STPG1: variants seen among roughly 807,000 people sequenced by gnomAD.
STPG1 encodes the protein sperm tail PG-rich repeat containing 1, also known as O(6)-methylguanine-induced apoptosis 2.
STPG1 carries 33 observed loss-of-function variants against 40.1 expected under a neutral mutation model. That is an observed-to-expected ratio of 0.82 (90% CI 0.62 to 1.10). The LOEUF (loss-of-function observed/expected upper bound fraction) is 1.10, where lower values mean the gene tolerates loss of function less well. Ranked by LOEUF, STPG1 falls within the 50% of genes least tolerant of loss-of-function variation. STPG1 has a pLI of 0.00. For synonymous variants in STPG1, 150 were observed against 155.0 expected (o/e 0.97, Z 0.24); for missense variants, 396 against 415.1 (o/e 0.95, Z 0.40).
intron 7 of STPG1, among the ~76,000 whole-genome samples, chr1:24,365,629 C>T (rs1641406706): frequency 6.6e-6 from 1 of 152,240 alleles, no homozygotes; most frequent in Admixed American, 6.5e-5. Context: ...ACAGCATCCG[C>T]CCTGCGGGGC....
chr1:24,379,423 G>C, intron 5 of STPG1: 1 of 529,944 alleles, frequency 1.9e-6, no homozygotes, highest in Non-Finnish European at 3.4e-6. Context: ...TCAGGGCAGT[G>C]GCCTCCCCAC....
chr1:24,391,301 T>C (rs1186791498), intron 3 of STPG1: 3 of 274,102 alleles, frequency 1.1e-5, no homozygotes, highest in East Asian at 1.3e-4. Flanking sequence ...TATTGTTTTC[T>C]TAAAATAGTT....
At position 24,399,016 on chromosome 1, in the gene STPG1, C is replaced by T. The variant is rs946244924; in HGVS notation, c.70+2303G>A. ...TGTATAGCTACCCAGATTTGATCATCGCACATTATATTCTTGTATCAAAAT... is the reference window on the plus strand; with the variant it reads ...TGTATAGCTACCCAGATTTGATCATTGCACATTATATTCTTGTATCAAAAT... On this transcript the variant is annotated intron_variant, in intron 2 of 8. Coordinates refer to ENST00000337248, the MANE Select transcript of STPG1 (RefSeq NM_001199013.2). The surrounding 1 kb of genome is among the most constrained non-coding windows in gnomAD (Gnocchi z 4.0). Among the ~76,000 whole-genome samples the T allele has an allele frequency of 8.6e-5, 13 of 151,866 alleles. No homozygotes were observed. The highest frequency in any genetic ancestry group is 7.2e-4 in the Admixed American group (11 of 15,248).
chr1:24,383,686 T>C (rs1342271969), intron 4 of STPG1, among the ~76,000 whole-genome samples: 1 of 152,220 alleles, frequency 6.6e-6, no homozygotes, highest in African/African-American at 2.4e-5. Context: ...TTCCTCTGGC[T>C]TCTCTTCCCA....
intron 4 of STPG1, among the ~76,000 whole-genome samples, chr1:24,383,181 G>A (rs1335738791): frequency 6.6e-6 from 1 of 152,116 alleles, no homozygotes; most frequent in African/African-American, 2.4e-5. Flanking sequence ...CCGAAATGCT[G>A]GCATTATAGG....
In STPG1 at chr1:24,402,112, G is replaced by A. The variant is rs897385027; in HGVS notation, c.-68-656C>T. ...CCAAGTTAAATACCACCACAATTAA[G>A]ATATTAATTTATCTATGATGCTGAG... On this transcript the variant is annotated intron_variant, in intron 1 of 8. Transcript: ENST00000337248. Among the ~76,000 whole-genome samples the A allele has an allele frequency of 2.6e-5, 4 of 152,300 alleles. No individual in the cohort carries two copies. The South Asian group carries it at 8.3e-4, about 32-fold the overall frequency.
intron 2 of STPG1, among the ~76,000 whole-genome samples, chr1:24,396,898 T>C (rs1043952683): frequency 1.3e-5 from 2 of 152,070 alleles, no homozygotes; most frequent in Non-Finnish European, 2.9e-5. Context: ...GATTCTCAGA[T>C]TGGATAAGAA....
At chr1:24,400,117 C>G (rs888836514) in intron 2 of STPG1, among the ~76,000 whole-genome samples, 1 of 152,178 alleles carries the variant, frequency 6.6e-6, no homozygotes, top group Non-Finnish European at 1.5e-5. Flanking sequence ...AAACTGGAAA[C>G]AACCTAAATG....
At position 24,383,999 on chromosome 1, in the gene STPG1, T is replaced by A. The variant is rs775221632; in HGVS notation, c.194A>T (p.Asp65Val). ...QAKRFPHKKN[D>V]IPGPGFYNVI... is the part of the protein sequence containing the mutation. ...ATTGTAGAACCCAGGTCCTGGGATA[T>A]CATTCTGAAAGGGAAGAGAAGGTGG... The change falls in exon 4 of 9, where the codon GAT becomes GTT. Residue 65 changes from aspartate to valine, a missense_variant. Physicochemically the swap from Asp to Val is radical, Grantham distance 152. Coordinates refer to ENST00000337248, the MANE Select transcript of STPG1 (RefSeq NM_001199013.2). The A allele has an allele frequency of 2.6e-5, 42 of 1,606,860 alleles. No homozygotes were observed. Among genetic ancestry groups the A allele is most frequent in the Non-Finnish European group, 3.5e-5 (41 of 1,173,370 alleles).
intron 7 of STPG1, among the ~76,000 whole-genome samples, chr1:24,364,852 A>G (rs1641353546): frequency 6.6e-6 from 1 of 152,180 alleles, no homozygotes; most frequent in African/African-American, 2.4e-5. Flanking sequence ...GTTGGCCACA[A>G]CTGGATTAAG....
intron 7 of STPG1, among the ~76,000 whole-genome samples, chr1:24,365,883 T>A (rs745740331): frequency 1.3e-5 from 2 of 152,172 alleles, no homozygotes; most frequent in Non-Finnish European, 1.5e-5. Context: ...CTTTGGGGCC[T>A]ACGCTAATCA....
chr1:24,394,550 A>C (rs2092343), intron 2 of STPG1, among the ~76,000 whole-genome samples: 1 of 152,214 alleles, frequency 6.6e-6, no homozygotes, highest in Non-Finnish European at 1.5e-5. Flanking sequence ...GTGGAGAAGA[A>C]CATTATAACT....
At chr1:24,393,438 A>C (rs1642863454) in intron 2 of STPG1, among the ~76,000 whole-genome samples, 1 of 152,226 alleles carries the variant, frequency 6.6e-6, no homozygotes, top group South Asian at 2.1e-4. Context: ...AAGCAGCTGC[A>C]AGACTTCCTG....
chr1:24,396,824 T>G (rs974714242), intron 2 of STPG1, among the ~76,000 whole-genome samples: 8 of 152,084 alleles, frequency 5.3e-5, no homozygotes, highest in African/African-American at 1.9e-4. Flanking sequence ...ATGATAGACT[T>G]AAACTTATAC....
intron 3 of STPG1, among the ~76,000 whole-genome samples, chr1:24,390,443 G>A (rs1642716712): frequency 6.6e-6 from 1 of 152,160 alleles, no homozygotes; most frequent in African/African-American, 2.4e-5. Context: ...TTTTGAGATG[G>A]AGTCTCATTC....
At chr1:24,381,334 A>G (rs1253056178) in intron 4 of STPG1, among the ~76,000 whole-genome samples, 1 of 152,256 alleles carries the variant, frequency 6.6e-6, no homozygotes, top group Admixed American at 6.5e-5. Context: ...AAAGTATCGT[A>G]ATAGAATTAG....
intron 2 of STPG1, among the ~76,000 whole-genome samples, chr1:24,397,081 G>C (rs1384801280): frequency 6.6e-6 from 1 of 152,142 alleles, no homozygotes; most frequent in African/African-American, 2.4e-5. Context: ...CTGCAATAAA[G>C]AGGGTCATTT....
chr1:24,364,174 C>T (rs142435457), intron 7 of STPG1: 84 of 1,488,754 alleles, frequency 5.6e-5, no homozygotes, highest in Non-Finnish European at 6.7e-5. Flanking sequence ...GACGTTCTCA[C>T]TTTCTTCCAG....
At chr1:24,369,597 C>A in intron 7 of STPG1, 77 bp downstream of exon 7, 4 of 1,473,562 alleles carry the variant, frequency 2.7e-6, no homozygotes, top group Non-Finnish European at 3.7e-6. Context: ...AGCAGTGACA[C>A]CCCATCCTTT....
Sources: gnomAD v4.1 joint callset for allele counts (sites outside exome capture counted in the v4.1 genomes callset) on GRCh38, gnomAD v4.1.1 for gene constraint, Gnocchi (gnomAD v3.1) non-coding constraint, MANE v1.5 for transcripts, NCBI Gene and HGNC (gene_info 2026-07-23, HGNC 2026-07-21) for gene names.